The following TTN variants were observed in gnomAD, a reference collection of about 807,000 sequenced individuals.
The protein encoded by TTN is connectin.
TTN carries 1,525 observed loss-of-function variants against 3,223.0 expected under a neutral mutation model. The observed-to-expected ratio is 0.47, with a 90% CI of 0.45 to 0.49. The LOEUF is 0.49. Among genes scored for constraint, TTN ranks in the 20% least tolerant of loss-of-function variants. The pLI is 0.00. For synonymous variants in TTN, 14,094 were observed against 15,161.0 expected, an observed-to-expected ratio of 0.93 and a Z score of 5.17; for missense variants, 40,786 against 43,424.0, an observed-to-expected ratio of 0.94 and a Z score of 5.40.
In TTN at chr2:178,535,531, C is replaced by T. The variant is rs1553499879; in HGVS notation, c.101084G>A (p.Gly33695Glu). 2.5e-6 allele frequency: 4 copies of T among 1,613,862 alleles called. No individual in the cohort carries two copies. The highest frequency in any genetic ancestry group is 1.1e-5 in the South Asian group (1 of 91,082). ...TCGTGAGACATCACTAACTTTGACT[C>T]CTCTGGGTGGGTCAGGAACATCAGC... ...DVADVPDPPR[G>E]VKVSDVSRDS... The change falls in exon 358 of 363, where the codon GGA becomes GAA. Residue 33695 changes from glycine (G) to glutamate (E), a missense_variant. Coordinates refer to ENST00000589042, the MANE Select transcript of TTN (RefSeq NM_001267550.2).
chr2:178,549,409 T>C lies in TTN; in HGVS notation c.92217A>G (p.Thr30739=), dbSNP rs1553534899. 1 of 1,613,712 alleles carries C rather than the reference T, an allele frequency of 6.2e-7. No homozygotes were observed. The highest frequency in any genetic ancestry group is 8.5e-7 in the Non-Finnish European group (1 of 1,179,716). Reference sequence around the variant, plus strand: ...CACCATCTGATTCTGGCCTTGCCCATGTCAGGGTAATGCTGTTGCCTGTTA... The same window carrying C: ...CACCATCTGATTCTGGCCTTGCCCACGTCAGGGTAATGCTGTTGCCTGTTA... ...SNITGNSITL[T]WARPESDGGS... is the part of the protein sequence containing the mutation. The change falls in exon 339 of 363, where the codon ACA becomes ACG. Residue 30739 remains threonine, a synonymous_variant. Coordinates refer to ENST00000589042, the MANE Select transcript of TTN (RefSeq NM_001267550.2).
At position 178,633,937 on chromosome 2, in the gene TTN, G is replaced by A. The variant is rs558930798; in HGVS notation, c.42562C>T (p.Leu14188Phe). 6 of 1,613,390 alleles carry A rather than the reference G, an allele frequency of 3.7e-6. No homozygotes were observed. The highest frequency in any genetic ancestry group is 1.1e-5 in the South Asian group (1 of 91,074). Residue 14188 changes from leucine to phenylalanine, a missense_variant, in exon 231 of 363, where the codon CTC becomes TTC. By Grantham distance (22) the Leu-to-Phe change is conservative (BLOSUM62 0). Coordinates refer to ENST00000589042, the MANE Select transcript of TTN (RefSeq NM_001267550.2). ...DAKLHTSRTVLISSEGKTHKL... is the reference protein window; with the variant it reads ...DAKLHTSRTVFISSEGKTHKL... ...TGAGTCTTGCCCTCAGAAGAGATGA[G>A]TACTGTTCTGCTTGTATGGAGTTTG... is the stretch of plus-strand genomic sequence containing the variant.
chr2:178,569,404 A>C lies in TTN; in HGVS notation c.76728T>G (p.Ser25576Arg). 1 of 1,613,310 alleles carries C rather than the reference A, an allele frequency of 6.2e-7. No homozygotes were observed. The highest frequency in any genetic ancestry group is 8.5e-7 in the Non-Finnish European group (1 of 1,179,570). ...LVLDNVNRYDSGKYTLTLENS... is the reference protein window; with the variant it reads ...LVLDNVNRYDRGKYTLTLENS... ...TTTCTAATGTAAGCGTATATTTTCC[A>C]CTATCATATCGGTTGACATTGTCAA... is the stretch of plus-strand genomic sequence containing the variant. The change falls in exon 326 of 363, where the codon AGT (serine) becomes AGG (arginine). Residue 25576 changes from serine to arginine, a missense_variant. Transcript: ENST00000589042.
At position 178,541,491 on chromosome 2, in the gene TTN, G is replaced by T. The variant is rs1060500480; in HGVS notation, c.97586C>A (p.Ser32529Tyr). The change falls in exon 350 of 363, where the codon TCC becomes TAC. Residue 32529 changes from serine (S) to tyrosine (Y), a missense_variant. Physicochemically the swap from Ser to Tyr is moderately radical, Grantham distance 144 (BLOSUM62 -2). Coordinates refer to ENST00000589042, the MANE Select transcript of TTN (RefSeq NM_001267550.2). ...CTCCACAATATATCCAGTCACTTGG[G>T]AGCCACCGTCATCCTCTGGTGGGTA... ...TWYPPEDDGG[S>Y]QVTGYIVERK... The T allele has an allele frequency of 6.2e-7, 1 of 1,613,242 alleles. No individual in the cohort carries two copies. Among genetic ancestry groups the T allele is most frequent in the African/African-American group, 1.3e-5 (1 of 74,848 alleles).
At position 178,722,836 on chromosome 2, in the gene TTN, A is replaced by G; in HGVS notation, c.22063T>C (p.Ser7355Pro). 1 of 1,613,318 alleles carries G rather than the reference A, an allele frequency of 6.2e-7. No homozygotes were observed. The highest frequency in any genetic ancestry group is 8.5e-7 in the Non-Finnish European group (1 of 1,179,530). Residue 7355 changes from serine (S) to proline (P), a missense_variant, in exon 76 of 363, where the codon TCT becomes CCT. Ser to Pro is a moderately conservative substitution (Grantham distance 74, BLOSUM62 -1). Transcript: ENST00000589042. ...QVAGTPEITV[S>P]WYKGDTKLRP... ...AATTTGGTATCTCCTTTGTACCAAG[A>G]CACTGTAATTTCTGGTGTCCCAGCA...
In TTN at chr2:178,544,436, G is replaced by A; in HGVS notation, c.95793C>T (p.Thr31931=). ...TTKHSISLAW[T]KPMYDGGTDI... The stretch of plus-strand genomic sequence containing the variant: ...CAGTACCACCATCGTACATGGGTTT[G>A]GTCCATGCCAAACTAATGCTGTGTT... Residue 31931 remains threonine, a synonymous_variant, in exon 345 of 363, where the codon ACC becomes ACT. Transcript: ENST00000589042. The A allele has an allele frequency of 6.2e-7, 1 of 1,613,688 alleles. No individual in the cohort carries two copies. The highest frequency in any genetic ancestry group is 8.5e-7 in the Non-Finnish European group (1 of 1,179,696).
intron 240 of TTN, among the ~76,000 whole-genome samples, chr2:178,629,087 T>C (rs1057436693): frequency 6.6e-6 from 1 of 152,054 alleles, no homozygotes; most frequent in African/African-American, 2.4e-5. Context: ...TTTAAATTTA[T>C]TTCAATTTCA....
intron 106 of TTN, among the ~76,000 whole-genome samples, chr2:178,703,124 A>G (rs2075287262): frequency 6.6e-6 from 1 of 152,174 alleles, no homozygotes. Context: ...TTCAAACGCA[A>G]TCGGAAATCT....
chr2:178,543,444 AATAGTAC>A lies in TTN; in HGVS notation c.96522_96528del (p.Met32174IlefsTer34). The A allele has an allele frequency of 6.2e-7, 1 of 1,613,814 alleles. No individual in the cohort carries two copies. The highest frequency in any genetic ancestry group is 8.5e-7 in the Non-Finnish European group (1 of 1,179,788). On this transcript the variant is annotated frameshift_variant, in exon 347 of 363. Transcript: ENST00000589042. LOFTEE classifies it high-confidence loss of function. Reference sequence around the variant, plus strand: ...TAAATATTTTCTGGCAGCACTCTGAAATAGTACATGGTTCCTTCTACAAGTCCAGAAA... The same window carrying A: ...TAAATATTTTCTGGCAGCACTCTGAAATGGTTCCTTCTACAAGTCCAGAAA...
At position 178,542,853 on chromosome 2, in the gene TTN, G is replaced by A. The variant is rs748395939; in HGVS notation, c.97001C>T (p.Pro32334Leu). 3 of 1,613,816 alleles carry A rather than the reference G, an allele frequency of 1.9e-6. No individual in the cohort carries two copies. Among genetic ancestry groups the A allele is most frequent in the East Asian group, 2.2e-5 (1 of 44,862 alleles). Residue 32334 changes from proline (P) to leucine (L), a missense_variant, in exon 348 of 363, where the codon CCA (proline) becomes CTA (leucine). Physicochemically the swap from Pro to Leu is moderately conservative, Grantham distance 98. Transcript: ENST00000589042. The part of the protein sequence containing the change: ...VELVIPIAGR[P>L]PPAASWFFAG... ...AAAGAACCAGGAAGCAGCAGGAGGT[G>A]GACGGCCAGCAATAGGTATCACCAG... is the stretch of plus-strand genomic sequence containing the variant.
At position 178,535,374 on chromosome 2, in the gene TTN, A is replaced by G; in HGVS notation, c.101241T>C (p.Tyr33747=). The change falls in exon 358 of 363, where the codon TAT becomes TAC. Residue 33747 remains tyrosine, a synonymous_variant. Coordinates refer to ENST00000589042, the MANE Select transcript of TTN (RefSeq NM_001267550.2). ...TTTTTCCAAATAAGTTGATCACGGT[A>G]TAACGTGTTTCTCGGGCCTGTCCTA... ...LRVGQARETR[Y]TVINLFGKTS... is the part of the protein sequence containing the mutation. 6.2e-7 allele frequency: 1 copy of G among 1,613,954 alleles called. No homozygotes were observed. The highest frequency in any genetic ancestry group is 8.5e-7 in the Non-Finnish European group (1 of 1,179,842).
In TTN at chr2:178,568,484, A is replaced by G. The variant is rs1158582678; in HGVS notation, c.77648T>C (p.Ile25883Thr). Residue 25883 changes from isoleucine (I) to threonine (T), a missense_variant, in exon 326 of 363, where the codon ATC (isoleucine) becomes ACC (threonine). Transcript: ENST00000589042. Reference protein sequence around the residue: ...ANVVGQKTASIEIVTLDKPDP... With the variant: ...ANVVGQKTASTEIVTLDKPDP... ...AGGTTTATCTAGAGTTACAATTTCG[A>G]TGGATGCTGTCTTCTGACCAACAAC... 6.2e-7 allele frequency: 1 copy of G among 1,613,396 alleles called. No individual in the cohort carries two copies. Among genetic ancestry groups the G allele is most frequent in the Admixed American group, 1.7e-5 (1 of 59,960 alleles).
At position 178,553,740 on chromosome 2, in the gene TTN, C is replaced by G; in HGVS notation, c.89265G>C (p.Trp29755Cys). ...TGCCCCCATCATAGACAGGCTTACTCCAGCCAAGGGTGATGGATGACTTGG... is the reference window on the plus strand; with the variant it reads ...TGCCCCCATCATAGACAGGCTTACTGCAGCCAAGGGTGATGGATGACTTGG... ...DSTKSSITLG[W>C]SKPVYDGGSA... Residue 29755 changes from tryptophan (W) to cysteine (C), a missense_variant, in exon 334 of 363, where the codon TGG (tryptophan) becomes TGC (cysteine). By Grantham distance (215) the Trp-to-Cys change is radical. Transcript: ENST00000589042. The G allele has an allele frequency of 1.9e-6, 3 of 1,613,286 alleles. No individual in the cohort carries two copies. Among genetic ancestry groups the G allele is most frequent in the Non-Finnish European group, 1.7e-6 (2 of 1,179,532 alleles).
At position 178,590,748 on chromosome 2, in the gene TTN, G is replaced by A. The variant is rs878985429; in HGVS notation, c.60977C>T (p.Ala20326Val). 1.9e-6 allele frequency: 3 copies of A among 1,610,392 alleles called. No homozygotes were observed. In the African/African-American group the frequency reaches 4.0e-5, roughly 22 times the overall value. The change falls in exon 304 of 363, where the codon GCT becomes GTT. Residue 20326 changes from alanine to valine, a missense_variant. Coordinates refer to ENST00000589042, the MANE Select transcript of TTN (RefSeq NM_001267550.2). The part of the protein sequence containing the change: ...KWVRVNKTPI[A>V]DLKFRVTGLY... ...TCCAGTCACTCTGAACTTCAGGTCA[G>A]CGATAGGTGTTTTGTTGACCCTCAC...
At chr2:178,696,703 A>G (rs1325538215) in intron 113 of TTN, among the ~76,000 whole-genome samples, 1 of 152,078 alleles carries the variant, frequency 6.6e-6, no homozygotes, top group African/African-American at 2.4e-5. Context: ...GTTTTTGACT[A>G]TTGCATATGA....
rs56378177 is a variant in TTN at position 178,583,667 on chromosome 2, C to T, written c.65515G>A (p.Ala21839Thr). 91 of 1,612,114 alleles carry T rather than the reference C, an allele frequency of 5.6e-5. 1 individual carries two copies. The highest frequency in any genetic ancestry group is 3.8e-4 in the East Asian group (17 of 44,586). Reference sequence around the variant, plus strand: ...TCAGAAGGTGGGCTAATGTTTACCGCGGTCCTGGCAATAGCTCTAAATTGA... The same window carrying T: ...TCAGAAGGTGGGCTAATGTTTACCGTGGTCCTGGCAATAGCTCTAAATTGA... Reference protein sequence around the residue: ...QYQFRAIARTAVNISPPSEPS... With the variant: ...QYQFRAIARTTVNISPPSEPS... Residue 21839 changes from alanine to threonine, a missense_variant, in exon 312 of 363, where the codon GCG (alanine) becomes ACG (threonine). Transcript: ENST00000589042.
chr2:178,731,493 G>A lies in TTN; in HGVS notation c.17273C>T (p.Pro5758Leu). The A allele has an allele frequency of 6.2e-7, 1 of 1,613,556 alleles. No homozygotes were observed. Among genetic ancestry groups the A allele is most frequent in the African/African-American group, 1.3e-5 (1 of 75,008 alleles). The change falls in exon 59 of 363, where the codon CCA becomes CTA. Residue 5758 changes from proline (P) to leucine (L), a missense_variant. By Grantham distance (98) the Pro-to-Leu change is moderately conservative. Transcript: ENST00000589042. ...GTCTTTTAGCCAAGTCACCGTAATT[G>A]GCAAGGAGCCCTTCAGAGTGGCCTG... is the stretch of plus-strand genomic sequence containing the variant. The part of the protein sequence containing the change: ...AFQATLKGSL[P>L]ITVTWLKDSD...
At chr2:178,660,684 G>A (rs1232709064) in intron 180 of TTN, among the ~76,000 whole-genome samples, 1 of 152,284 alleles carries the variant, frequency 6.6e-6, no homozygotes, top group East Asian at 1.9e-4. Context: ...AGATAGGATC[G>A]AATTAAACTA....
chr2:178,618,736 T>C lies in TTN; in HGVS notation c.46814A>G (p.Asn15605Ser). The change falls in exon 251 of 363, where the codon AAT becomes AGT. Residue 15605 changes from asparagine (N) to serine (S), a missense_variant. Transcript: ENST00000589042. ...AATGGTTTTTGTAGATAAAGGTTCATTTTCTTTAAACCATTCAGCTTCTGC... is the reference window on the plus strand; with the variant it reads ...AATGGTTTTTGTAGATAAAGGTTCACTTTCTTTAAACCATTCAGCTTCTGC... ...PKAEAEWFKE[N>S]EPLSTKTIDT... The C allele has an allele frequency of 1.2e-6, 2 of 1,611,978 alleles. No homozygotes were observed. The highest frequency in any genetic ancestry group is 2.2e-5 in the East Asian group (1 of 44,588).
Sources: allele counts gnomAD v4.1 joint callset (sites outside exome capture counted in the v4.1 genomes callset), GRCh38; gene constraint gnomAD v4.1.1; transcripts MANE v1.5; gene names NCBI Gene and HGNC (gene_info 2026-07-23, HGNC 2026-07-21).